The following CACNA1C variants were observed in gnomAD, a reference collection of about 807,000 sequenced individuals.
The protein encoded by CACNA1C is calcium voltage-gated channel subunit alpha1 C.
CACNA1C carries 30 observed loss-of-function variants against 229.0 expected under a neutral mutation model. The ratio of observed to expected loss-of-function variants is 0.13; its 90% CI spans 0.10 to 0.18. The LOEUF (loss-of-function observed/expected upper bound fraction) is 0.18. Among genes scored for constraint, CACNA1C ranks in the 10% least tolerant of loss-of-function variants. The pLI is 1.00. For synonymous variants in CACNA1C, 1,114 were observed against 1,132.5 expected, an observed-to-expected ratio of 0.98 and a Z score of 0.33; for missense variants, 1,658 against 2,845.0, an observed-to-expected ratio of 0.58 and a Z score of 9.49.
At position 2,120,338 on chromosome 12, in the gene CACNA1C, A is replaced by G; in HGVS notation, c.385A>G (p.Ile129Val). The G allele has an allele frequency of 6.4e-7, 1 of 1,573,398 alleles. No individual in the cohort carries two copies. The highest frequency in any genetic ancestry group is 8.8e-7 in the Non-Finnish European group (1 of 1,142,830). ...SIVEWKPFEI[I>V]ILLTIFANCV... ...TCCCTTTCTCAGACCATTTGAAATAATTATTTTACTGACTATTTTTGCCAA... is the reference window on the plus strand; with the variant it reads ...TCCCTTTCTCAGACCATTTGAAATAGTTATTTTACTGACTATTTTTGCCAA... The change falls in exon 3 of 47, where the codon ATT (isoleucine) becomes GTT (valine). Residue 129 changes from isoleucine to valine, a missense_variant. Physicochemically the swap from Ile to Val is conservative, Grantham distance 29. Transcript: ENST00000399655.
chr12:2,414,307 C>G (rs776869664), intron 3 of CACNA1C, among the ~76,000 whole-genome samples: 4 of 152,220 alleles, frequency 2.6e-5, no homozygotes, highest in African/African-American at 9.7e-5. Flanking sequence ...AAAGGACTAG[C>G]ACTTAAGCAA....
chr12:2,522,004 C>T (rs1395207107), intron 9 of CACNA1C, among the ~76,000 whole-genome samples: 1 of 152,242 alleles, frequency 6.6e-6, no homozygotes, highest in Non-Finnish European at 1.5e-5. Context: ...CAAAGCCAGA[C>T]TGCATCTTGT....
intron 5 of CACNA1C, among the ~76,000 whole-genome samples, chr12:2,475,590 G>A (rs2099622691): frequency 6.6e-6 from 1 of 152,180 alleles, no homozygotes; most frequent in Admixed American, 6.5e-5. Flanking sequence ...AATGAAAAAG[G>A]CAGTGAATGG....
At chr12:2,144,334 A>G (rs1396363207) in intron 3 of CACNA1C, among the ~76,000 whole-genome samples, 4 of 151,420 alleles carry the variant, frequency 2.6e-5, no homozygotes, top group Middle Eastern at 6.8e-3. Context: ...CCAGGTAAGG[A>G]AAAGAAGAGA....
chr12:2,677,880 A>G lies in CACNA1C; in HGVS notation c.5091+13A>G. 1 of 1,613,822 alleles carries G rather than the reference A, an allele frequency of 6.2e-7. No individual in the cohort carries two copies. The highest frequency in any genetic ancestry group is 1.3e-5 in the African/African-American group (1 of 75,056). On this transcript the variant is annotated intron_variant, in intron 41 of 46. Transcript: ENST00000399655. The surrounding 1 kb of genome is among the most constrained non-coding windows in gnomAD (Gnocchi z 7.4). ...TGACATCTTCAGGGTGGGTGGTGCC[A>G]TGGCGCACTCTCGACCCCTATAAAG...
intron 10 of CACNA1C, among the ~76,000 whole-genome samples, chr12:2,554,336 T>C (rs754684112): frequency 1.8e-4 from 28 of 152,204 alleles, no homozygotes; most frequent in Non-Finnish European, 2.9e-4. Context: ...GGATCTGTTC[T>C]GATGGTCTCA....
In CACNA1C at chr12:2,649,417, G is replaced by T. The variant is rs1255143471; in HGVS notation, c.3945+910G>T. Among the ~76,000 whole-genome samples the T allele has an allele frequency of 6.6e-6, 1 of 152,234 alleles. No individual in the cohort carries two copies. Among genetic ancestry groups the T allele is most frequent in the Admixed American group, 6.5e-5 (1 of 15,290 alleles). On this transcript the variant is annotated intron_variant, in intron 31 of 46. Coordinates refer to ENST00000399655, the MANE Select transcript of CACNA1C (RefSeq NM_000719.7). The surrounding 1 kb of genome is among the most constrained non-coding windows in gnomAD (Gnocchi z 4.4). ...GATGTGTTCCCCAGTGCAGCCTGGC[G>T]CTGCCTGGCCACAAGGCTGCCACAG...
At chr12:2,606,156 T>C (rs2075243033) in intron 24 of CACNA1C, among the ~76,000 whole-genome samples, 1 of 152,148 alleles carries the variant, frequency 6.6e-6, no homozygotes, top group Non-Finnish European at 1.5e-5. Flanking sequence ...CCACCCAGCT[T>C]TCAGAGCCCT....
chr12:2,590,525 C>T (rs931018210), intron 18 of CACNA1C, among the ~76,000 whole-genome samples: 1 of 152,200 alleles, frequency 6.6e-6, no homozygotes, highest in Non-Finnish European at 1.5e-5. Flanking sequence ...CTAAGCATCA[C>T]GTGCTGTCAA....
intron 3 of CACNA1C, among the ~76,000 whole-genome samples, chr12:2,278,719 A>G (rs1326010378): frequency 6.6e-6 from 1 of 152,226 alleles, no homozygotes; most frequent in African/African-American, 2.4e-5. Flanking sequence ...GTACGGATGT[A>G]TGCTTTCCTT....
At chr12:2,668,625 G>A (rs767699936) in intron 37 of CACNA1C, 71 of 284,122 alleles carry the variant, frequency 2.5e-4, no homozygotes, top group Non-Finnish European at 4.1e-4. Context: ...GAAGGCAAAG[G>A]GGAGGCAGGT....
chr12:2,591,527 A>G (rs1418528110), intron 18 of CACNA1C, among the ~76,000 whole-genome samples: 2 of 152,194 alleles, frequency 1.3e-5, no homozygotes, highest in African/African-American at 4.8e-5. Flanking sequence ...GCTGGGATCC[A>G]TGGAAAGGTC....
intron 3 of CACNA1C, among the ~76,000 whole-genome samples, chr12:2,216,421 G>A (rs974917646): frequency 2.0e-5 from 3 of 152,214 alleles, no homozygotes; most frequent in Admixed American, 1.3e-4. Flanking sequence ...GCTTCAACTG[G>A]AGGAGGTAAG....
intron 29 of CACNA1C, among the ~76,000 whole-genome samples, chr12:2,619,805 A>C (rs113475212): frequency 6.6e-6 from 1 of 152,030 alleles, no homozygotes; most frequent in South Asian, 2.1e-4. Context: ...TTTGTTGAGC[A>C]GCTCACGTGC....
intron 3 of CACNA1C, among the ~76,000 whole-genome samples, chr12:2,196,292 C>G (rs758926579): frequency 2.3e-4 from 35 of 152,270 alleles, no homozygotes; most frequent in South Asian, 6.2e-4. Flanking sequence ...AACAGTTAAC[C>G]ACCTCTTAGT....
chr12:2,543,150 G>C (rs566588834), intron 9 of CACNA1C, among the ~76,000 whole-genome samples: 1 of 152,196 alleles, frequency 6.6e-6, no homozygotes, highest in Non-Finnish European at 1.5e-5. Flanking sequence ...CCTGGTAAGA[G>C]GGAGGTTAGA....
chr12:2,092,485 G>A (rs893021783), intron 1 of CACNA1C, among the ~76,000 whole-genome samples: 2 of 152,116 alleles, frequency 1.3e-5, no homozygotes, highest in Non-Finnish European at 2.9e-5. Flanking sequence ...AAGGAGCCTC[G>A]CACCCTGGAC....
intron 3 of CACNA1C, among the ~76,000 whole-genome samples, chr12:2,194,224 T>C (rs531117348): frequency 5.2e-5 from 7 of 133,900 alleles, no homozygotes; most frequent in South Asian, 2.6e-4. Flanking sequence ...TCCTCCTCCT[T>C]CTACTCCTTT....
At chr12:2,327,939 C>T (rs1592947799) in intron 3 of CACNA1C, among the ~76,000 whole-genome samples, 1 of 152,332 alleles carries the variant, frequency 6.6e-6, no homozygotes, top group South Asian at 2.1e-4. Flanking sequence ...CTTCCTCCTT[C>T]ACCTATGGCC....
Sources: gnomAD v4.1 joint callset for allele counts (sites outside exome capture counted in the v4.1 genomes callset) on GRCh38, gnomAD v4.1.1 for gene constraint, Gnocchi (gnomAD v3.1) non-coding constraint, MANE v1.5 for transcripts, NCBI Gene and HGNC (gene_info 2026-07-23, HGNC 2026-07-21) for gene names.